APBA1: variants seen among roughly 807,000 people sequenced by gnomAD.
APBA1 encodes the protein amyloid beta precursor protein binding family A member 1, also known as amyloid-beta A4 precursor protein-binding family A member 1.
In APBA1, 55 loss-of-function variants were observed where a neutral mutation model predicts 86.6. The ratio of observed to expected loss-of-function variants is 0.64; its 90% confidence interval spans 0.51 to 0.80. The LOEUF (loss-of-function observed/expected upper bound fraction) is 0.80. Ranked by LOEUF, APBA1 falls within the 30% of genes least tolerant of loss-of-function variation. The pLI, the probability that APBA1 is intolerant of heterozygous loss-of-function variation, is 0.00. For missense variants in APBA1, 1,090 were observed against 1,183.0 expected, an observed-to-expected ratio of 0.92 and a Z score of 1.15; for synonymous variants, 511 against 493.9, an observed-to-expected ratio of 1.03 and a Z score of -0.46.
At chr9:69,638,899 AC>A in intron 1 of APBA1, among the ~76,000 whole-genome samples, 1 of 152,176 alleles carries the variant, frequency 6.6e-6, no homozygotes, top group East Asian at 1.9e-4. Context: ...AATTTTGAAA[AC>A]TAAAAATTAA....
chr9:69,496,393 A>G (rs1835795124), intron 2 of APBA1, among the ~76,000 whole-genome samples: 1 of 152,058 alleles, frequency 6.6e-6, no homozygotes, highest in African/African-American at 2.4e-5. Flanking sequence ...CAAAAGGTAG[A>G]AAAAAAGAGA....
intron 1 of APBA1, among the ~76,000 whole-genome samples, chr9:69,654,966 T>C (rs73453580): frequency 0.029 from 4,434 of 152,320 alleles, 93 homozygotes; most frequent in Non-Finnish European, 0.035. Context: ...CGTATGATCA[T>C]TTTAATAGAT....
rs183936982 is a variant in APBA1 at position 69,614,095 on chromosome 9, T to C, written c.-70+58058A>G. Among the ~76,000 whole-genome samples the C allele has an allele frequency of 2.4e-4, 36 of 152,318 alleles. No homozygotes were observed. In the East Asian group the frequency reaches 3.9e-3, roughly 16 times the overall value. ...GGTTTTTGTTTGTTTGCTTTTTACA[T>C]CCATGTAACTTTCTGTATAGCTTTT... is the stretch of plus-strand genomic sequence containing the variant. On this transcript the variant is annotated intron_variant, in intron 1 of 12. Transcript: ENST00000265381.
chr9:69,481,427 C>G (rs1835506243), intron 2 of APBA1, among the ~76,000 whole-genome samples: 1 of 151,960 alleles, frequency 6.6e-6, no homozygotes, highest in Non-Finnish European at 1.5e-5. Flanking sequence ...TATGAAGGAC[C>G]TCTTCAAGGA....
At chr9:69,488,074 A>G (rs1835640233) in intron 2 of APBA1, among the ~76,000 whole-genome samples, 1 of 152,164 alleles carries the variant, frequency 6.6e-6, no homozygotes, top group Non-Finnish European at 1.5e-5. Context: ...AGCTGCTGAC[A>G]ATGGAGAAAC....
At chr9:69,447,690 A>G (rs1834932899) in intron 10 of APBA1, among the ~76,000 whole-genome samples, 1 of 152,168 alleles carries the variant, frequency 6.6e-6, no homozygotes, top group African/African-American at 2.4e-5. Flanking sequence ...CGATTACATC[A>G]TCTTGCTGTG....
At chr9:69,542,791 G>T (rs1836635708) in intron 1 of APBA1, among the ~76,000 whole-genome samples, 1 of 152,106 alleles carries the variant, frequency 6.6e-6, no homozygotes, top group Non-Finnish European at 1.5e-5. Context: ...GGTGATAAAT[G>T]GTCACTGTAC....
At chr9:69,569,058 A>C (rs770425391) in intron 1 of APBA1, among the ~76,000 whole-genome samples, 7 of 152,224 alleles carry the variant, frequency 4.6e-5, no homozygotes, top group Non-Finnish European at 8.8e-5. Context: ...ATGAATATTG[A>C]ACAATTCCTT....
At chr9:69,597,358 G>C in intron 1 of APBA1, among the ~76,000 whole-genome samples, 1 of 151,950 alleles carries the variant, frequency 6.6e-6, no homozygotes, top group Admixed American at 6.6e-5. Context: ...CTTTTTGATG[G>C]GGTTGTTTTT....
intron 1 of APBA1, among the ~76,000 whole-genome samples, chr9:69,560,633 T>C (rs1303394443): frequency 6.6e-6 from 1 of 152,214 alleles, no homozygotes; most frequent in Non-Finnish European, 1.5e-5. Context: ...CACTTATCAA[T>C]AAAATTCATA....
At chr9:69,616,488 T>C (rs533428446) in intron 1 of APBA1, among the ~76,000 whole-genome samples, 61 of 152,332 alleles carry the variant, frequency 4.0e-4, no homozygotes, top group African/African-American at 1.4e-3. Context: ...TTTTACTTTG[T>C]ATTTTCCTTT....
At chr9:69,495,256 C>T (rs1835776905) in intron 2 of APBA1, among the ~76,000 whole-genome samples, 1 of 152,052 alleles carries the variant, frequency 6.6e-6, no homozygotes, top group African/African-American at 2.4e-5. Flanking sequence ...ATGCAGAGAC[C>T]AACTTATAAC....
chr9:69,658,224 CTT>C (rs766184068), intron 1 of APBA1, among the ~76,000 whole-genome samples: 1,040 of 14,718 alleles, frequency 0.071, 20 homozygotes, highest in African/African-American at 0.099. Context: ...TCCTTTCTCT[CTT>C]TCTTTCTTTC....
chr9:69,669,959 T>A (rs969672776), intron 1 of APBA1, among the ~76,000 whole-genome samples: 3 of 152,206 alleles, frequency 2.0e-5, no homozygotes, highest in African/African-American at 7.2e-5. Flanking sequence ...ATATAAAGGA[T>A]GATGACTTTT....
intron 1 of APBA1, among the ~76,000 whole-genome samples, chr9:69,658,344 T>TTC (rs1823680040): frequency 2.1e-5 from 3 of 142,890 alleles, no homozygotes; most frequent in Admixed American, 1.4e-4. Flanking sequence ...CTTTCTTTCT[T>TTC]TCTTTCTTTC....
At chr9:69,622,378 G>C (rs11999216) in intron 1 of APBA1, among the ~76,000 whole-genome samples, 5,605 of 152,276 alleles carry the variant, frequency 0.037, 347 homozygotes, top group African/African-American at 0.13. Context: ...GAGCATGTCT[G>C]TGTCTAGTTC....
intron 1 of APBA1, among the ~76,000 whole-genome samples, chr9:69,638,867 G>A (rs1032949013): frequency 1.4e-4 from 22 of 151,998 alleles, no homozygotes; most frequent in African/African-American, 3.9e-4. Context: ...TCAAATTTTT[G>A]AAGATTAAAA....
In APBA1 at chr9:69,517,236, G is replaced by C. The variant is rs1836180720; in HGVS notation, c.-26C>G. On this transcript the variant is annotated 5_prime_UTR_variant, in exon 2 of 13. Transcript: ENST00000265381. Reference sequence around the variant, plus strand: ...GGTGGGAGTCGGAACGGCTAGGAGAGAAGCTGGGCCCGGCTCACTGCGCTC... The same window carrying C: ...GGTGGGAGTCGGAACGGCTAGGAGACAAGCTGGGCCCGGCTCACTGCGCTC... 1 of 1,439,844 alleles carries C rather than the reference G, an allele frequency of 6.9e-7. No individual in the cohort carries two copies. Among genetic ancestry groups the C allele is most frequent in the Non-Finnish European group, 9.1e-7 (1 of 1,097,198 alleles). 89.2% of individuals were successfully genotyped at this position (1,439,844 alleles called of 1,614,324 possible).
At chr9:69,597,336 G>A (rs1391072194) in intron 1 of APBA1, among the ~76,000 whole-genome samples, 4 of 152,176 alleles carry the variant, frequency 2.6e-5, no homozygotes, top group Non-Finnish European at 5.9e-5. Context: ...GTCTGTTCAT[G>A]TCCTTCTCCC....
Sources: allele counts gnomAD v4.1 joint callset (sites outside exome capture counted in the v4.1 genomes callset), GRCh38; gene constraint gnomAD v4.1.1; transcripts MANE v1.5; gene names NCBI Gene and HGNC (gene_info 2026-07-23, HGNC 2026-07-21).